CLYBL: variants seen among roughly 807,000 people sequenced by gnomAD.
The protein encoded by CLYBL is citramalyl-CoA lyase.
In CLYBL, 31 loss-of-function variants were observed where a neutral mutation model predicts 38.9. The observed-to-expected ratio is 0.80, with a 90% CI of 0.60 to 1.08. The LOEUF is 1.08. CLYBL is among the 50% of genes least tolerant of loss of function. The pLI, the probability that CLYBL is intolerant of heterozygous loss-of-function variation, is 0.00. For missense variants in CLYBL, 434 were observed against 411.6 expected (o/e 1.05, Z -0.47); for synonymous variants, 171 against 158.6 (o/e 1.08, Z -0.59).
chr13:99,791,895 G>GT (rs925876064), intron 2 of CLYBL, among the ~76,000 whole-genome samples: 6 of 151,778 alleles, frequency 4.0e-5, no homozygotes, highest in African/African-American at 1.5e-4. Flanking sequence ...GGACAGATAG[G>GT]TTTTCTCTCT....
intron 2 of CLYBL, among the ~76,000 whole-genome samples, chr13:99,845,971 C>T (rs2051193908): frequency 1.4e-5 from 1 of 73,074 alleles, no homozygotes. Flanking sequence ...TATTTGCCAC[C>T]TAAAAAAAAA....
intron 1 of CLYBL, among the ~76,000 whole-genome samples, chr13:99,695,483 C>A (rs1003532159): frequency 6.6e-6 from 1 of 151,950 alleles, no homozygotes; most frequent in Non-Finnish European, 1.5e-5. Flanking sequence ...TTAGCAAGCC[C>A]GTTCAGATTC....
At chr13:99,854,684 C>G (rs1015585099) in intron 2 of CLYBL, among the ~76,000 whole-genome samples, 2 of 152,100 alleles carry the variant, frequency 1.3e-5, no homozygotes, top group Admixed American at 1.3e-4. Flanking sequence ...TAGTTATTAG[C>G]TTTAATGGGT....
At chr13:99,859,385 G>T (rs1310877641) in intron 3 of CLYBL, among the ~76,000 whole-genome samples, 1 of 152,144 alleles carries the variant, frequency 6.6e-6, no homozygotes, top group Non-Finnish European at 1.5e-5. Context: ...ACCCTGCCCG[G>T]CCCTAAGCCA....
At chr13:99,748,542 C>A (rs530629129) in intron 1 of CLYBL, among the ~76,000 whole-genome samples, 1 of 142,676 alleles carries the variant, frequency 7.0e-6, no homozygotes, top group Non-Finnish European at 1.5e-5. Flanking sequence ...CCGGTTCAAG[C>A]GATTCTCCTG....
At chr13:99,887,237 GT>G (rs1270805602) in intron 7 of CLYBL, among the ~76,000 whole-genome samples, 1 of 137,262 alleles carries the variant, frequency 7.3e-6, no homozygotes, top group Non-Finnish European at 1.6e-5. Flanking sequence ...ATTTTAACAA[GT>G]CCCCCCCGCC....
intron 2 of CLYBL, among the ~76,000 whole-genome samples, chr13:99,824,327 C>G (rs1187226750): frequency 8.4e-6 from 1 of 119,716 alleles, no homozygotes; most frequent in Non-Finnish European, 1.6e-5. Context: ...ATTAGTTGAG[C>G]ATGGGAAATG....
At chr13:99,868,619 A>G (rs971236136) in intron 6 of CLYBL, among the ~76,000 whole-genome samples, 25 of 152,328 alleles carry the variant, frequency 1.6e-4, no homozygotes, top group African/African-American at 5.8e-4. Context: ...GTAGTTTTTA[A>G]AAGTTAGCTG....
At chr13:99,796,164 C>G (rs1464012754) in intron 2 of CLYBL, among the ~76,000 whole-genome samples, 1 of 152,186 alleles carries the variant, frequency 6.6e-6, no homozygotes, top group Non-Finnish European at 1.5e-5. Context: ...TCAGGGCCAT[C>G]ATGGCTCCCT....
intron 2 of CLYBL, among the ~76,000 whole-genome samples, chr13:99,824,257 G>GCACCCCC (rs66867477): frequency 2.3e-5 from 3 of 130,414 alleles, no homozygotes; most frequent in African/African-American, 5.9e-5. Flanking sequence ...CTGACTAATA[G>GCACCCCC]CCCCCCCCAC....
intron 2 of CLYBL, among the ~76,000 whole-genome samples, chr13:99,787,380 G>A (rs535656033): frequency 2.6e-5 from 4 of 152,236 alleles, no homozygotes; most frequent in African/African-American, 7.2e-5. Context: ...TTTTGTGTAA[G>A]GTATAAGGAA....
chr13:99,777,783 G>A (rs12875920), intron 2 of CLYBL, among the ~76,000 whole-genome samples: 1 of 152,160 alleles, frequency 6.6e-6, no homozygotes, highest in Non-Finnish European at 1.5e-5. Context: ...GTGAGCCTGA[G>A]AATTTTCTGT....
intron 1 of CLYBL, among the ~76,000 whole-genome samples, chr13:99,644,206 G>GCA (rs34349227): frequency 0.12 from 16,887 of 145,062 alleles, 1,169 homozygotes; most frequent in East Asian, 0.17. Flanking sequence ...TGTGGTGTAT[G>GCA]TGTATATGTG....
intron 1 of CLYBL, among the ~76,000 whole-genome samples, chr13:99,681,839 G>GC (rs565120050): frequency 1.8e-4 from 28 of 151,918 alleles, no homozygotes; most frequent in Non-Finnish European, 2.9e-4. Flanking sequence ...ACCTGTCTCG[G>GC]CCCCCCACAG....
chr13:99,705,747 G>A (rs577245236), intron 1 of CLYBL, among the ~76,000 whole-genome samples: 1 of 152,196 alleles, frequency 6.6e-6, no homozygotes, highest in Admixed American at 6.5e-5. Flanking sequence ...ACCCGGGGCT[G>A]GGGGGAAGGA....
intron 2 of CLYBL, among the ~76,000 whole-genome samples, chr13:99,787,617 T>G (rs1264108123): frequency 6.6e-6 from 1 of 152,212 alleles, no homozygotes; most frequent in Non-Finnish European, 1.5e-5. Context: ...GTAGTATAGT[T>G]TGAAGTCAGG....
intron 1 of CLYBL, among the ~76,000 whole-genome samples, chr13:99,719,267 T>C (rs1319832066): frequency 6.7e-6 from 1 of 149,072 alleles, no homozygotes; most frequent in Non-Finnish European, 1.5e-5. Context: ...GCCTCAGCCT[T>C]CTGAGTAGCT....
At chr13:99,781,883 A>T (rs916781064) in intron 2 of CLYBL, among the ~76,000 whole-genome samples, 2 of 152,236 alleles carry the variant, frequency 1.3e-5, no homozygotes, top group Admixed American at 1.3e-4. Flanking sequence ...AGCACGCTTA[A>T]CAATGCCTAA....
At chr13:99,905,643 A>AG (rs1390364652) in intron 9 of CLYBL, among the ~76,000 whole-genome samples, 4 of 152,272 alleles carry the variant, frequency 2.6e-5, no homozygotes, top group African/African-American at 9.6e-5. Flanking sequence ...AAGAAAGAAA[A>AG]GGGGGAAGAA....
Sources: gnomAD v4.1 joint callset for allele counts (sites outside exome capture counted in the v4.1 genomes callset) on GRCh38, gnomAD v4.1.1 for gene constraint, MANE v1.5 for transcripts, NCBI Gene and HGNC (gene_info 2026-07-23, HGNC 2026-07-21) for gene names.